COPB1: variants seen among roughly 807,000 people sequenced by gnomAD.
COPB1 encodes coatomer subunit beta.
In COPB1, 21 loss-of-function variants were observed where a neutral mutation model predicts 108.7. The observed-to-expected ratio is 0.19, with a 90% CI of 0.14 to 0.28. The LOEUF is 0.28. COPB1 is among the 10% of genes least tolerant of loss of function. The probability of loss-of-function intolerance (pLI) is 1.00; values close to 1 mark genes in which losing one functional copy is unlikely to be tolerated. For missense variants in COPB1, 919 were observed against 1,141.3 expected, an observed-to-expected ratio of 0.81 and a Z score of 2.81; for synonymous variants, 378 against 386.8, an observed-to-expected ratio of 0.98 and a Z score of 0.27.
intron 2 of COPB1, among the ~76,000 whole-genome samples, chr11:14,495,734 G>A (rs768797935): frequency 5.9e-5 from 9 of 152,154 alleles, no homozygotes; most frequent in Non-Finnish European, 1.0e-4. Flanking sequence ...TTGGAGGAAG[G>A]TAGCTAAGGC....
At chr11:14,460,752 C>T (rs1323006105) in intron 19 of COPB1, among the ~76,000 whole-genome samples, 2 of 152,104 alleles carry the variant, frequency 1.3e-5, no homozygotes, top group Non-Finnish European at 2.9e-5. Flanking sequence ...AATCTGCCTG[C>T]CTCAGCCTCC....
At chr11:14,468,546 A>G in intron 16 of COPB1, 135 bp downstream of exon 16, 1 of 756,396 alleles carries the variant, frequency 1.3e-6, no homozygotes, top group African/African-American at 1.8e-5. Context: ...TCAGCTTCTG[A>G]GTTTCAACTG....
Position 14,469,344 on chromosome 11 carries a change from A to G in COPB1, c.1957T>C (p.Ser653Pro). The change falls in exon 15 of 22, where the codon TCC (serine) becomes CCC (proline). Residue 653 changes from serine (S) to proline (P), a missense_variant. This residue lies in a region of COPB1 where 705 missense variants were observed against 817.8 expected (regional missense o/e 0.86). Transcript: ENST00000439561. ...CATCATATATACCTTACCTTTTGGG[A>G]TAATTTCTCTTCTTCTAGTTTAGCA... ...LSAKLEEEKL[S>P]QKKESEKRNV... 6.2e-7 allele frequency: 1 copy of G among 1,613,510 alleles called. No homozygotes were observed. The highest frequency in any genetic ancestry group is 8.5e-7 in the Non-Finnish European group (1 of 1,179,472).
chr11:14,464,874 G>C, intron 18 of COPB1, 37 bp downstream of exon 18: 2 of 1,594,942 alleles, frequency 1.3e-6, no homozygotes, highest in Non-Finnish European at 1.7e-6. Flanking sequence ...TTCAGTAAAA[G>C]TATTCAAACA....
intron 8 of COPB1, among the ~76,000 whole-genome samples, chr11:14,482,201 T>C (rs1475723735): frequency 6.6e-6 from 1 of 152,216 alleles, no homozygotes; most frequent in Non-Finnish European, 1.5e-5. Flanking sequence ...TGATCAATAC[T>C]ATTAACTAAT....
intron 5 of COPB1, 103 bp downstream of exon 5, chr11:14,490,462 A>C: frequency 1.6e-6 from 1 of 633,794 alleles, no homozygotes; most frequent in Non-Finnish European, 2.6e-6. Flanking sequence ...AACCACATGA[A>C]CTATAAACAA....
At chr11:14,487,406 G>C (rs1000777099) in intron 6 of COPB1, among the ~76,000 whole-genome samples, 7 of 152,188 alleles carry the variant, frequency 4.6e-5, no homozygotes, top group Non-Finnish European at 1.0e-4. Flanking sequence ...GCTGGACATG[G>C]TGGCTCACGC....
intron 13 of COPB1, among the ~76,000 whole-genome samples, chr11:14,475,322 G>A (rs1850499258): frequency 6.6e-6 from 1 of 152,016 alleles, no homozygotes; most frequent in Admixed American, 6.6e-5. Flanking sequence ...GACTATATGA[G>A]ACAAACTACT....
chr11:14,461,599 A>G (rs957360132), intron 18 of COPB1, among the ~76,000 whole-genome samples: 7 of 152,338 alleles, frequency 4.6e-5, no homozygotes, highest in Non-Finnish European at 8.8e-5. Context: ...CACACAACTG[A>G]TAAGTGGTGG....
At chr11:14,468,998 T>TC in intron 15 of COPB1, 138 bp from the exon 16 acceptor site, 1 of 746,438 alleles carries the variant, frequency 1.3e-6, no homozygotes, top group South Asian at 1.8e-5. Flanking sequence ...ACTTTTCTTT[T>TC]CTTTTTTTTC....
chr11:14,458,378 T>C (rs1354510259), intron 21 of COPB1, among the ~76,000 whole-genome samples, 154 bp downstream of exon 21: 1 of 152,196 alleles, frequency 6.6e-6, no homozygotes, highest in Non-Finnish European at 1.5e-5. Context: ...GAAATTTTAA[T>C]GAGAAAAGTT....
intron 20 of COPB1, 86 bp from the exon 21 acceptor site, chr11:14,458,773 T>C: frequency 7.5e-7 from 1 of 1,341,330 alleles, no homozygotes; most frequent in East Asian, 2.4e-5. Flanking sequence ...CTTTTTTTTT[T>C]TTTTTTTTGA....
At chr11:14,462,012 G>A (rs1004874377) in intron 18 of COPB1, among the ~76,000 whole-genome samples, 2 of 151,494 alleles carry the variant, frequency 1.3e-5, no homozygotes, top group East Asian at 1.9e-4. Context: ...TATTGTTTAG[G>A]ATATAATGAC....
At chr11:14,470,934 ACACACACACACTCTCT>A (rs1669814976) in intron 14 of COPB1, among the ~76,000 whole-genome samples, 2 of 91,344 alleles carry the variant, frequency 2.2e-5, no homozygotes, top group South Asian at 3.7e-4. Context: ...ACACACACAC[ACACACACACACTCTCT>A]CTCTCTCTAC....
intron 3 of COPB1, among the ~76,000 whole-genome samples, 186 bp from the exon 4 acceptor site, chr11:14,493,997 C>T (rs1850965485): frequency 6.6e-6 from 1 of 152,136 alleles, no homozygotes; most frequent in Admixed American, 6.5e-5. Flanking sequence ...ATATGTGTGT[C>T]ACTGTTTTTT....
rs778043931 is a variant in COPB1 at position 14,466,265 on chromosome 11, A to G, written c.2290+17T>C. 13 of 1,611,708 alleles carry G rather than the reference A, an allele frequency of 8.1e-6. No homozygotes were observed. In the South Asian group the frequency reaches 1.4e-4, roughly 18 times the overall value. ...TACTATGTGACAATCTCTTTCCTGA[A>G]TGGTAAGTTTCCTCACCTAGTGTAG... On this transcript the variant is annotated intron_variant, in intron 17 of 21. Transcript: ENST00000439561.
At chr11:14,485,574 C>T (rs1465492445) in intron 7 of COPB1, among the ~76,000 whole-genome samples, 2 of 152,284 alleles carry the variant, frequency 1.3e-5, no homozygotes, top group East Asian at 1.9e-4. Flanking sequence ...TGGCCAGGCG[C>T]GGTGGCTTAC....
rs767150977 is a variant in COPB1, at chr11:14,490,551, A to T, written c.606+14T>A. The T allele has an allele frequency of 4.7e-6, 7 of 1,490,772 alleles. No individual in the cohort carries two copies. Among genetic ancestry groups the T allele is most frequent in the Non-Finnish European group, 6.5e-6 (7 of 1,079,904 alleles). The allele number at this position is 1,490,772 out of a possible 1,614,324, so 92.3% of individuals were successfully genotyped here. A position where few individuals can be genotyped will look rare whatever the true frequency, so the allele number is the denominator to read the frequency against. ...AAATACAGTAATAAGAGTATTTTTT[A>T]AAAAGTACCTCACCTGATCTGCATG... On this transcript the variant is annotated intron_variant, in intron 5 of 21. Transcript: ENST00000439561.
chr11:14,481,070 A>G lies in COPB1; in HGVS notation c.985T>C (p.Leu329=). The G allele has an allele frequency of 6.2e-7, 1 of 1,613,494 alleles. No individual in the cohort carries two copies. The highest frequency in any genetic ancestry group is 2.2e-5 in the East Asian group (1 of 44,852). ...QDLVMDILRV[L]STPDLEVRKK... ...CGTACTTCTAAGTCTGGTGTGCTCA[A>G]TACTCTTAGGATATCCATAACCAGA... Residue 329 remains leucine, a synonymous_variant, in exon 9 of 22, where the codon TTG becomes CTG. Transcript: ENST00000439561.
Sources: gnomAD v4.1 joint callset for allele counts (sites outside exome capture counted in the v4.1 genomes callset) on GRCh38, gnomAD v4.1.1 for gene constraint, gnomAD v4.1.1 regional missense constraint, MANE v1.5 for transcripts, NCBI Gene and HGNC (gene_info 2026-07-23, HGNC 2026-07-21) for gene names.